Variants in LRRC7 observed in about 807,000 individuals in gnomAD.
LRRC7 encodes the protein leucine rich repeat containing 7.
LRRC7 carries 23 observed loss-of-function variants against 175.7 expected under a neutral mutation model. The ratio of observed to expected loss-of-function variants is 0.13; its 90% confidence interval spans 0.09 to 0.19. LRRC7 has a LOEUF of 0.19. Among genes scored for constraint, LRRC7 ranks in the 10% least tolerant of loss-of-function variants. The pLI is 1.00. For missense variants in LRRC7, 1,354 were observed against 1,904.7 expected (o/e 0.71, Z 5.38); for synonymous variants, 685 against 680.9 (o/e 1.01, Z -0.09).
chr1:70,001,260 T>A (rs1368937262), intron 11 of LRRC7, among the ~76,000 whole-genome samples: 5 of 152,102 alleles, frequency 3.3e-5, no homozygotes, highest in African/African-American at 9.7e-5. Context: ...TATCAAACAT[T>A]AATGATGTTT....
intron 14 of LRRC7, 75 bp downstream of exon 14, chr1:70,016,609 A>G: frequency 8.8e-7 from 1 of 1,130,702 alleles, no homozygotes; most frequent in Non-Finnish European, 1.2e-6. Flanking sequence ...ATTTATTCCC[A>G]ATAGATACCT....
At chr1:69,929,369 C>A (rs1332051000) in intron 7 of LRRC7, among the ~76,000 whole-genome samples, 3 of 152,184 alleles carry the variant, frequency 2.0e-5, no homozygotes, top group Non-Finnish European at 2.9e-5. Flanking sequence ...AACTGAACTT[C>A]CAGTCTACCC....
intron 23 of LRRC7, among the ~76,000 whole-genome samples, chr1:70,066,449 G>T (rs1313408720): frequency 6.6e-6 from 1 of 151,704 alleles, no homozygotes; most frequent in Non-Finnish European, 1.5e-5. Flanking sequence ...ATTTAATTTT[G>T]CCATTTCAAG....
chr1:69,805,385 TA>T (rs1388475669), intron 4 of LRRC7, among the ~76,000 whole-genome samples: 1 of 151,808 alleles, frequency 6.6e-6, no homozygotes, highest in African/African-American at 2.4e-5. Flanking sequence ...TATAAATTCA[TA>T]AAGGGGTCTA....
At chr1:69,803,697 TC>T (rs1019324785) in intron 4 of LRRC7, among the ~76,000 whole-genome samples, 2 of 151,506 alleles carry the variant, frequency 1.3e-5, no homozygotes, top group Admixed American at 6.6e-5. Context: ...ATCCTTTCTT[TC>T]TAATCCTATA....
intron 3 of LRRC7, among the ~76,000 whole-genome samples, chr1:69,786,188 C>T (rs1357805871): frequency 6.6e-6 from 1 of 152,046 alleles, no homozygotes; most frequent in Admixed American, 6.6e-5. Context: ...TTCTACCTGG[C>T]ACTTGGGGCA....
rs1396685932 is a variant in LRRC7, at chr1:70,142,886, A to G, written c.*20999A>G. 2.0e-5 allele frequency: 3 copies of G among 152,034 alleles called. No homozygotes were observed. Among genetic ancestry groups the G allele is most frequent in the African/African-American group, 7.2e-5 (3 of 41,430 alleles). 9.4% of individuals were successfully genotyped at this position (152,034 alleles called of 1,614,324 possible). On this transcript the variant is annotated 3_prime_UTR_variant, in exon 27 of 27. Transcript: ENST00000651989. Reference sequence around the variant, plus strand: ...AGAATTATATGTAAAAGGATACTAGATATTATGTTTTGGATGTTTTCTAAG... The same window carrying G: ...AGAATTATATGTAAAAGGATACTAGGTATTATGTTTTGGATGTTTTCTAAG...
At chr1:70,113,026 G>A (rs535905309) in intron 26 of LRRC7, among the ~76,000 whole-genome samples, 3 of 152,096 alleles carry the variant, frequency 2.0e-5, no homozygotes, top group South Asian at 4.2e-4. Context: ...GAGTTGGAGC[G>A]AGGCTCAGGA....
At chr1:69,664,097 TACC>T (rs2100545273) in intron 1 of LRRC7, among the ~76,000 whole-genome samples, 1 of 152,334 alleles carries the variant, frequency 6.6e-6, no homozygotes, top group South Asian at 2.1e-4. Flanking sequence ...ACATAATGAC[TACC>T]AGTTCCCTCC....
chr1:69,680,436 G>A (rs192297131), intron 2 of LRRC7, among the ~76,000 whole-genome samples: 237 of 152,162 alleles, frequency 1.6e-3, no homozygotes, highest in African/African-American at 4.7e-3. Flanking sequence ...TGATATAACC[G>A]TCACTTGTGT....
At chr1:70,070,072 C>T (rs2102111640) in intron 23 of LRRC7, among the ~76,000 whole-genome samples, 1 of 152,230 alleles carries the variant, frequency 6.6e-6, no homozygotes, top group South Asian at 2.1e-4. Flanking sequence ...GAGCTCATTG[C>T]AGCCTGGACC....
At chr1:70,049,523 C>G (rs1163616209) in intron 22 of LRRC7, among the ~76,000 whole-genome samples, 1 of 152,066 alleles carries the variant, frequency 6.6e-6, no homozygotes, top group Non-Finnish European at 1.5e-5. Context: ...CTACCTGTCC[C>G]TCAAGAAAGA....
intron 7 of LRRC7, among the ~76,000 whole-genome samples, chr1:69,914,400 A>G (rs574173305): frequency 5.9e-5 from 9 of 152,336 alleles, no homozygotes; most frequent in African/African-American, 1.9e-4. Context: ...CACTGCTTCA[A>G]CTGGAATATT....
chr1:69,887,743 G>A (rs1364169070), intron 7 of LRRC7, among the ~76,000 whole-genome samples: 9 of 149,014 alleles, frequency 6.0e-5, no homozygotes, highest in South Asian at 2.1e-4. Context: ...CCCCATCTTT[G>A]TGGTTTTATC....
Position 69,737,859 on chromosome 1 carries a change from CTAA to C in LRRC7, c.101-22331_101-22329del, listed in dbSNP as rs547099863. Among the ~76,000 whole-genome samples the C allele has an allele frequency of 7.2e-5, 11 of 152,188 alleles. No individual in the cohort carries two copies. In the South Asian group the frequency reaches 2.3e-3, roughly 32 times the overall value. On this transcript the variant is annotated intron_variant, in intron 2 of 26. Coordinates refer to ENST00000651989, the MANE Select transcript of LRRC7 (RefSeq NM_001370785.2). The stretch of plus-strand genomic sequence containing the variant: ...TCATACCAGAGTTTTGGATCAAAGA[CTAA>C]GAAGCTGAGAGTCTTTTAATAAATA...
chr1:69,766,894 C>G (rs150595203), intron 3 of LRRC7, among the ~76,000 whole-genome samples: 194 of 152,204 alleles, frequency 1.3e-3, no homozygotes, highest in South Asian at 5.4e-3. Flanking sequence ...AAAGTTTTGT[C>G]GAGATGCAAT....
chr1:69,601,861 T>G (rs2100996495), intron 1 of LRRC7, among the ~76,000 whole-genome samples: 1 of 152,272 alleles, frequency 6.6e-6, no homozygotes, highest in South Asian at 2.1e-4. Context: ...AAGGTATTAT[T>G]TTTTGCACCC....
chr1:69,742,579 A>G (rs965782863), intron 2 of LRRC7, among the ~76,000 whole-genome samples: 1 of 151,952 alleles, frequency 6.6e-6, no homozygotes, highest in South Asian at 2.1e-4. Context: ...ACTGTGAGAT[A>G]TCTCAGCAAC....
intron 1 of LRRC7, among the ~76,000 whole-genome samples, chr1:69,649,645 A>G (rs1655496073): frequency 6.6e-6 from 1 of 152,188 alleles, no homozygotes; most frequent in Non-Finnish European, 1.5e-5. Context: ...CCACTAGCCC[A>G]TATGGCACCT....
Sources: allele counts gnomAD v4.1 joint callset (sites outside exome capture counted in the v4.1 genomes callset), GRCh38; gene constraint gnomAD v4.1.1; transcripts MANE v1.5; gene names NCBI Gene and HGNC (gene_info 2026-07-23, HGNC 2026-07-21).